DOCK3: variants seen among roughly 807,000 people sequenced by gnomAD.
DOCK3 encodes dedicator of cytokinesis 3.
In DOCK3, 60 loss-of-function variants were observed where a neutral mutation model predicts 265.6. The observed-to-expected ratio is 0.23, with a 90% CI of 0.18 to 0.28. The LOEUF (loss-of-function observed/expected upper bound fraction) is 0.28, where lower values mean the gene tolerates loss of function less well. DOCK3 is among the 10% of genes least tolerant of loss of function. The pLI, the probability that DOCK3 is intolerant of heterozygous loss-of-function variation, is 1.00. For synonymous variants in DOCK3, 881 were observed against 938.0 expected (o/e 0.94, Z 1.11); for missense variants, 1,981 against 2,594.3 (o/e 0.76, Z 5.14).
chr3:51,307,160 C>T (rs1375281029), intron 27 of DOCK3, among the ~76,000 whole-genome samples: 3 of 152,062 alleles, frequency 2.0e-5, no homozygotes, highest in African/African-American at 7.2e-5. Flanking sequence ...TGCTGTATTG[C>T]TCAGGCTGTA....
intron 29 of DOCK3, 46 bp from the exon 30 acceptor site, chr3:51,312,430 A>G (rs750458749): frequency 1.3e-6 from 2 of 1,539,588 alleles, no homozygotes; most frequent in South Asian, 2.3e-5. Flanking sequence ...TCCCTACAAG[A>G]TTAAGTTCTT....
chr3:50,907,867 G>A (rs2049617502), intron 4 of DOCK3, among the ~76,000 whole-genome samples: 1 of 151,978 alleles, frequency 6.6e-6, no homozygotes, highest in Admixed American at 6.6e-5. Flanking sequence ...GGTTTGGATG[G>A]TAGGCTATTT....
intron 9 of DOCK3, among the ~76,000 whole-genome samples, chr3:51,143,997 G>C (rs965459308): frequency 2.6e-5 from 4 of 152,216 alleles, no homozygotes; most frequent in South Asian, 4.1e-4. Context: ...CACAGTTTTA[G>C]CTCTTGTATT....
chr3:51,002,243 C>T (rs1464657795), intron 5 of DOCK3, among the ~76,000 whole-genome samples: 4 of 152,114 alleles, frequency 2.6e-5, no homozygotes, highest in African/African-American at 7.2e-5. Context: ...GCTATTGTAC[C>T]CAGCTGATTT....
intron 2 of DOCK3, among the ~76,000 whole-genome samples, chr3:50,795,457 C>T (rs765086068): frequency 9.2e-5 from 14 of 152,174 alleles, no homozygotes; most frequent in Non-Finnish European, 1.9e-4. Flanking sequence ...TCTCAGCTCA[C>T]TGCAACCTCT....
intron 1 of DOCK3, among the ~76,000 whole-genome samples, chr3:50,694,227 G>A (rs1165317743): frequency 6.6e-6 from 1 of 151,902 alleles, no homozygotes; most frequent in South Asian, 2.1e-4. Context: ...CTGAGATTGC[G>A]CCACTGCACA....
At chr3:51,297,533 T>A (rs2109288282) in intron 27 of DOCK3, among the ~76,000 whole-genome samples, 1 of 152,256 alleles carries the variant, frequency 6.6e-6, no homozygotes, top group East Asian at 1.9e-4. Context: ...TGAATAGACA[T>A]TTCCCCAGAG....
chr3:51,248,661 G>A (rs1192063779), intron 22 of DOCK3, among the ~76,000 whole-genome samples: 1 of 151,754 alleles, frequency 6.6e-6, no homozygotes, highest in Non-Finnish European at 1.5e-5. Context: ...CCCATCGTCT[G>A]GGATGTGAGG....
intron 3 of DOCK3, among the ~76,000 whole-genome samples, chr3:50,886,841 A>G (rs932075101): frequency 1.3e-5 from 2 of 152,142 alleles, no homozygotes; most frequent in African/African-American, 4.8e-5. Context: ...ACATACCAGA[A>G]TCTCTGGGAT....
At chr3:50,856,719 G>A (rs909166132) in intron 3 of DOCK3, among the ~76,000 whole-genome samples, 2 of 151,984 alleles carry the variant, frequency 1.3e-5, no homozygotes, top group Non-Finnish European at 1.5e-5. Context: ...AATTCCAGTA[G>A]TATGTTGAAT....
intron 7 of DOCK3, among the ~76,000 whole-genome samples, chr3:51,085,773 AAAAC>A (rs1436426007): frequency 6.6e-6 from 1 of 152,220 alleles, no homozygotes; most frequent in African/African-American, 2.4e-5. Context: ...CAAAAAAGGA[AAAAC>A]AAACTAAACC....
chr3:51,229,469 T>A, intron 18 of DOCK3, 43 bp from the exon 19 acceptor site: 11 of 1,332,008 alleles, frequency 8.3e-6, no homozygotes, highest in African/African-American at 3.0e-5. Context: ...AAAAAGAATA[T>A]CCAGGTTTCA....
At position 51,271,851 on chromosome 3, in the gene DOCK3, G is replaced by GAA. The variant is rs766713829; in HGVS notation, c.2548+862_2548+863dup. ...GAGCAACAGAGCGAGACTGTCTCAG[G>GAA]AAAAAAAAAAAAAAAAAAAGGCCCT... On this transcript the variant is annotated intron_variant, in intron 24 of 52. Coordinates refer to ENST00000266037, the MANE Select transcript of DOCK3 (RefSeq NM_004947.5). 1.8e-4 allele frequency among the ~76,000 whole-genome samples: 12 copies of GAA among 65,564 alleles called. No homozygotes were observed. In the East Asian group the frequency reaches 2.6e-3, roughly 14 times the overall value. The allele number at this position is 65,564 out of a possible 152,430, so 43.0% of individuals were successfully genotyped here. A position where few individuals can be genotyped will look rare whatever the true frequency, so the allele number is the denominator to read the frequency against.
chr3:51,240,118 G>T (rs559769879), intron 21 of DOCK3, among the ~76,000 whole-genome samples: 4 of 152,324 alleles, frequency 2.6e-5, no homozygotes, highest in Admixed American at 2.6e-4. Flanking sequence ...TGCCTTACCT[G>T]TGTCCCAGAG....
chr3:51,147,017 G>C (rs551685274), intron 10 of DOCK3, among the ~76,000 whole-genome samples: 1 of 151,968 alleles, frequency 6.6e-6, no homozygotes, highest in Non-Finnish European at 1.5e-5. Context: ...GGGATGTGAG[G>C]CAAGAGGACC....
At chr3:50,920,692 A>G (rs1366892541) in intron 4 of DOCK3, among the ~76,000 whole-genome samples, 2 of 152,264 alleles carry the variant, frequency 1.3e-5, no homozygotes, top group African/African-American at 4.8e-5. Context: ...ATCTTTTCAG[A>G]AAACCAGCTC....
intron 7 of DOCK3, among the ~76,000 whole-genome samples, chr3:51,081,765 G>A (rs1453825510): frequency 5.3e-5 from 8 of 151,776 alleles, no homozygotes; most frequent in African/African-American, 1.7e-4. Context: ...GCGTGGTGGC[G>A]GGCACCTGTA....
intron 19 of DOCK3, among the ~76,000 whole-genome samples, chr3:51,231,747 AAACT>A (rs1308925628): frequency 2.0e-5 from 3 of 152,206 alleles, no homozygotes; most frequent in Admixed American, 6.5e-5. Context: ...TGCTAGGCAG[AAACT>A]CTTTAGTTTA....
chr3:51,046,583 T>A (rs2109075866), intron 5 of DOCK3, among the ~76,000 whole-genome samples: 1 of 152,268 alleles, frequency 6.6e-6, no homozygotes, highest in Non-Finnish European at 1.5e-5. Context: ...TACCTAAATA[T>A]ATAAAGCAAA....
Sources: gnomAD v4.1 joint callset for allele counts (sites outside exome capture counted in the v4.1 genomes callset) on GRCh38, gnomAD v4.1.1 for gene constraint, MANE v1.5 for transcripts, NCBI Gene and HGNC (gene_info 2026-07-23, HGNC 2026-07-21) for gene names.